LYNX1: variants seen among roughly 807,000 people sequenced by gnomAD.
LYNX1 encodes Ly6/neurotoxin 1, also known as ly-6/neurotoxin-like protein 1.
A neutral mutation model predicts 8.3 loss-of-function variants in LYNX1; 8 were observed. The ratio of observed to expected loss-of-function variants is 0.97; its 90% CI spans 0.57 to 1.74. LYNX1 has a LOEUF of 1.74. LYNX1 is among the 40% of genes most tolerant of loss of function. The pLI, the probability that LYNX1 is intolerant of heterozygous loss-of-function variation, is 0.00. For synonymous variants in LYNX1, 73 were observed against 67.9 expected, an observed-to-expected ratio of 1.08 and a Z score of -0.37; for missense variants, 158 against 159.7, an observed-to-expected ratio of 0.99 and a Z score of 0.06.
rs143118845 is a variant in LYNX1 at position 142,773,871 on chromosome 8, G to C, written c.*1296C>G. 6.0e-5 allele frequency: 59 copies of C among 985,430 alleles called. 2 individuals are homozygous for C. The East Asian group carries it at 6.5e-3, about 108-fold the overall frequency. The allele number at this position is 985,430 out of a possible 1,614,324, so 61.0% of individuals were successfully genotyped here. On this transcript the variant is annotated 3_prime_UTR_variant, in exon 4 of 4. Coordinates refer to ENST00000652477, the MANE Select transcript of LYNX1 (RefSeq NM_177477.4). ...GAGCACTGGTCAGGTGGGGGCCTCAGGTGCAGCGTGACCGCTGGCACCAAA... is the reference window on the plus strand; with the variant it reads ...GAGCACTGGTCAGGTGGGGGCCTCACGTGCAGCGTGACCGCTGGCACCAAA...
At position 142,774,882 on chromosome 8, in the gene LYNX1, T is replaced by C. The variant is rs1815335842; in HGVS notation, c.*285A>G. 1.5e-6 allele frequency: 2 copies of C among 1,335,026 alleles called. No individual in the cohort carries two copies. Among genetic ancestry groups the C allele is most frequent in the Non-Finnish European group, 1.9e-6 (2 of 1,041,726 alleles). 82.7% of individuals were successfully genotyped at this position (1,335,026 alleles called of 1,614,324 possible). ...TCCCATCTGCTCAGTGCTCCCTGCCTGACTGGGCCCCTCCCCATAAATAGC... is the reference window on the plus strand; with the variant it reads ...TCCCATCTGCTCAGTGCTCCCTGCCCGACTGGGCCCCTCCCCATAAATAGC... On this transcript the variant is annotated 3_prime_UTR_variant, in exon 4 of 4. Transcript: ENST00000652477.
rs1043797536 is a variant in LYNX1 at position 142,772,470 on chromosome 8, G to A, written c.*2697C>T. 2.5e-5 allele frequency: 25 copies of A among 985,378 alleles called. No homozygotes were observed. Among genetic ancestry groups the A allele is most frequent in the Non-Finnish European group, 3.0e-5 (25 of 829,962 alleles). 61.0% of individuals were successfully genotyped at this position (985,378 alleles called of 1,614,324 possible). A position where few individuals can be genotyped will look rare whatever the true frequency, so the allele number is the denominator to read the frequency against. On this transcript the variant is annotated 3_prime_UTR_variant, in exon 4 of 4. Transcript: ENST00000652477. ...CCCTTCCCAGGCTTGGGGGTCCAAGGAACCCCAGCTGGTGGGAGAAGCGGC... is the reference window on the plus strand; with the variant it reads ...CCCTTCCCAGGCTTGGGGGTCCAAGAAACCCCAGCTGGTGGGAGAAGCGGC...
Position 142,773,885 on chromosome 8 carries a change from G to A in LYNX1, c.*1282C>T, listed in dbSNP as rs992599576. On this transcript the variant is annotated 3_prime_UTR_variant, in exon 4 of 4. Transcript: ENST00000652477. ...TGGGGGCCTCAGGTGCAGCGTGACC[G>A]CTGGCACCAAAAGGTCTCACGCCCC... 6 of 985,426 alleles carry A rather than the reference G, an allele frequency of 6.1e-6. No homozygotes were observed. The highest frequency in any genetic ancestry group is 1.7e-5 in the African/African-American group (1 of 57,348). 61.0% of individuals were successfully genotyped at this position (985,426 alleles called of 1,614,324 possible).
rs1194526999 is a variant in LYNX1 at position 142,775,969 on chromosome 8, G to A, written c.-12C>T. The A allele has an allele frequency of 6.2e-7, 1 of 1,613,770 alleles. No homozygotes were observed. The highest frequency in any genetic ancestry group is 1.3e-5 in the African/African-American group (1 of 74,940). On this transcript the variant is annotated 5_prime_UTR_variant, in exon 2 of 4. Coordinates refer to ENST00000652477, the MANE Select transcript of LYNX1 (RefSeq NM_177477.4). Reference sequence around the variant, plus strand: ...AGCAGGGGCGTCATGGCTGCAGGCAGGAGGGCAGCGTGGGAGTGGGGAGGT... The same window carrying A: ...AGCAGGGGCGTCATGGCTGCAGGCAAGAGGGCAGCGTGGGAGTGGGGAGGT...
rs1587612491 is a variant in LYNX1, at chr8:142,773,297, C to T, written c.*1870G>A. 5.1e-6 allele frequency: 5 copies of T among 985,428 alleles called. No individual in the cohort carries two copies. The highest frequency in any genetic ancestry group is 6.0e-6 in the Non-Finnish European group (5 of 829,968). 61.0% of individuals were successfully genotyped at this position (985,428 alleles called of 1,614,324 possible). A position where few individuals can be genotyped will look rare whatever the true frequency, so the allele number is the denominator to read the frequency against. ...GCTCTGGGAGGCACCTGGCAGCCTC[C>T]CAGACACCCCGGGCCGGTCCTGCTC... On this transcript the variant is annotated 3_prime_UTR_variant, in exon 4 of 4. Transcript: ENST00000652477.
chr8:142,774,149 T>TGCCCCCCCC lies in LYNX1; in HGVS notation c.*1017_*1018insGGGGGGGGC. On this transcript the variant is annotated 3_prime_UTR_variant, in exon 4 of 4. Transcript: ENST00000652477. ...CGGGGGAGGGGCTGGGTCTCCGCCCTCCCCACCCCACCCTCCCCACTCCCG... is the reference window on the plus strand; with the variant it reads ...CGGGGGAGGGGCTGGGTCTCCGCCCTGCCCCCCCCCCCCACCCCACCCTCCCCACTCCCG... 2.8e-6 allele frequency: 2 copies of TGCCCCCCCC among 725,212 alleles called. No individual in the cohort carries two copies. The highest frequency in any genetic ancestry group is 3.3e-6 in the Non-Finnish European group (2 of 608,418). The allele number at this position is 725,212 out of a possible 1,614,324, so 44.9% of individuals were successfully genotyped here.
Position 142,773,018 on chromosome 8 carries a change from A to G in LYNX1, c.*2149T>C. ...CCATGGGTGGCCAGGTCTCCTCCCC[A>G]TCACCCCACTGAGACTCGAGACAGG... On this transcript the variant is annotated 3_prime_UTR_variant, in exon 4 of 4. Coordinates refer to ENST00000652477, the MANE Select transcript of LYNX1 (RefSeq NM_177477.4). The G allele has an allele frequency of 1.0e-6, 1 of 985,376 alleles. No homozygotes were observed. The highest frequency in any genetic ancestry group is 1.1e-4 in the East Asian group (1 of 8,804). 61.0% of individuals were successfully genotyped at this position (985,376 alleles called of 1,614,324 possible).
At position 142,771,529 on chromosome 8, in the gene LYNX1, T is replaced by G; in HGVS notation, c.*3638A>C. Reference sequence around the variant, plus strand: ...AGGTGGCTCTGTCCACCCTTCTGTCTGGGAGGCTCCTTAAGGCTGGGGAGG... The same window carrying G: ...AGGTGGCTCTGTCCACCCTTCTGTCGGGGAGGCTCCTTAAGGCTGGGGAGG... On this transcript the variant is annotated 3_prime_UTR_variant, in exon 4 of 4. Coordinates refer to ENST00000652477, the MANE Select transcript of LYNX1 (RefSeq NM_177477.4). The G allele has an allele frequency of 1.0e-6, 1 of 985,316 alleles. No individual in the cohort carries two copies. Among genetic ancestry groups the G allele is most frequent in the South Asian group, 4.7e-5 (1 of 21,268 alleles). 61.0% of individuals were successfully genotyped at this position (985,316 alleles called of 1,614,324 possible). A position where few individuals can be genotyped will look rare whatever the true frequency, so the allele number is the denominator to read the frequency against.
chr8:142,775,234 C>G lies in LYNX1; in HGVS notation c.284G>C (p.Gly95Ala). The change falls in exon 4 of 4, where the codon GGC becomes GCC. Residue 95 changes from glycine (G) to alanine (A), a missense_variant. Coordinates refer to ENST00000652477, the MANE Select transcript of LYNX1 (RefSeq NM_177477.4). ...GGCCAGGGTGGCCGGGGTGGCAAGG[C>G]CGGTGCCGTTGCAGAGGTCGTACTG... ...CCQYDLCNGT[G>A]LATPATLALA... 1 of 1,613,612 alleles carries G rather than the reference C, an allele frequency of 6.2e-7. No homozygotes were observed. Among genetic ancestry groups the G allele is most frequent in the Non-Finnish European group, 8.5e-7 (1 of 1,179,862 alleles).
chr8:142,775,746 G>A (rs979366080), intron 2 of LYNX1, 52 bp from the exon 3 acceptor site: 4 of 1,538,652 alleles, frequency 2.6e-6, no homozygotes, highest in East Asian at 4.8e-5. Context: ...AACATGAGAG[G>A]CCCCTCCTCC....
intron 2 of LYNX1, 25 bp downstream of exon 2, chr8:142,775,881 T>C (rs2130118236): frequency 6.2e-7 from 1 of 1,614,004 alleles, no homozygotes; most frequent in Middle Eastern, 1.6e-4. Context: ...GGTCTGCCCA[T>C]CCCTCTGTCC....
rs374446309 is a variant in LYNX1, at chr8:142,775,394, C to T, written c.155-31G>A. On this transcript the variant is annotated intron_variant, in intron 3 of 3. Coordinates refer to ENST00000652477, the MANE Select transcript of LYNX1 (RefSeq NM_177477.4). ...GAGGGGCGGGGCGGTGAGCCAGCTC[C>T]GCTAAGAGGGGCAGGAGACCCAGCT... is the stretch of plus-strand genomic sequence containing the variant. 3.5e-5 allele frequency: 56 copies of T among 1,607,364 alleles called. No homozygotes were observed. In the East Asian group the frequency reaches 5.8e-4, roughly 17 times the overall value.
At position 142,772,384 on chromosome 8, in the gene LYNX1, T is replaced by C. The variant is rs1242847417; in HGVS notation, c.*2783A>G. On this transcript the variant is annotated 3_prime_UTR_variant, in exon 4 of 4. Transcript: ENST00000652477. ...GAGGCCTTACTCTACCACTCAGGGC[T>C]TCTCAAACCTCTGGTTCCACTTTTC... The C allele has an allele frequency of 3.0e-6, 3 of 985,402 alleles. No individual in the cohort carries two copies. In the Admixed American group the frequency reaches 1.8e-4, roughly 61 times the overall value. The allele number at this position is 985,402 out of a possible 1,614,324, so 61.0% of individuals were successfully genotyped here.
chr8:142,775,514 AC>A, intron 3 of LYNX1, 78 bp downstream of exon 3: 1 of 1,551,806 alleles, frequency 6.4e-7, no homozygotes. Context: ...CTTCCTCAGG[AC>A]CCCCGCATGC....
At chr8:142,775,756 C>T (rs1815396213) in intron 2 of LYNX1, 62 bp from the exon 3 acceptor site, 1 of 1,536,040 alleles carries the variant, frequency 6.5e-7, no homozygotes, top group African/African-American at 1.4e-5. Context: ...GCCCCTCCTC[C>T]AGCCCATCAG....
In LYNX1 at chr8:142,773,005, A is replaced by G; in HGVS notation, c.*2162T>C. On this transcript the variant is annotated 3_prime_UTR_variant, in exon 4 of 4. Transcript: ENST00000652477. ...AGCTGCCCCTGAGCCATGGGTGGCCAGGTCTCCTCCCCATCACCCCACTGA... is the reference window on the plus strand; with the variant it reads ...AGCTGCCCCTGAGCCATGGGTGGCCGGGTCTCCTCCCCATCACCCCACTGA... The G allele has an allele frequency of 1.0e-6, 1 of 985,548 alleles. No homozygotes were observed. The highest frequency in any genetic ancestry group is 1.2e-6 in the Non-Finnish European group (1 of 830,024). 61.1% of individuals were successfully genotyped at this position (985,548 alleles called of 1,614,324 possible).
Position 142,772,832 on chromosome 8 carries a change from AGGCCAGCCAGGCAGAACCATGTGT to A in LYNX1, c.*2311_*2334del. 1 of 985,842 alleles carries A rather than the reference AGGCCAGCCAGGCAGAACCATGTGT, an allele frequency of 1.0e-6. No individual in the cohort carries two copies. Among genetic ancestry groups the A allele is most frequent in the Non-Finnish European group, 1.2e-6 (1 of 830,218 alleles). 61.1% of individuals were successfully genotyped at this position (985,842 alleles called of 1,614,324 possible). A position where few individuals can be genotyped will look rare whatever the true frequency, so the allele number is the denominator to read the frequency against. ...GTGCTCTACGCCAGGTGCCAAGGGCAGGCCAGCCAGGCAGAACCATGTGTGGGGCTGGGACAGGTCAGGGTGGTG... is the reference window on the plus strand; with the variant it reads ...GTGCTCTACGCCAGGTGCCAAGGGCAGGGGCTGGGACAGGTCAGGGTGGTG... On this transcript the variant is annotated 3_prime_UTR_variant, in exon 4 of 4. Coordinates refer to ENST00000652477, the MANE Select transcript of LYNX1 (RefSeq NM_177477.4).
At chr8:142,776,190 G>A in intron 1 of LYNX1, 69 bp from the exon 2 acceptor site, 1 of 574,158 alleles carries the variant, frequency 1.7e-6, no homozygotes, top group East Asian at 3.0e-5. Context: ...CCTGGGCAGG[G>A]ATGATGGTGG....
At position 142,775,585 on chromosome 8, in the gene LYNX1, A is replaced by C; in HGVS notation, c.154+8T>G. The C allele has an allele frequency of 6.3e-7, 1 of 1,582,914 alleles. No individual in the cohort carries two copies. The highest frequency in any genetic ancestry group is 8.6e-7 in the Non-Finnish European group (1 of 1,164,660). On this transcript the variant is annotated splice_region_variant and intron_variant, in intron 3 of 3. Transcript: ENST00000652477. Reference sequence around the variant, plus strand: ...CCAGGCAGGGCCACGCAGGGCCCCCAGACTCACAGGTGCGCGTGGTCATGC... The same window carrying C: ...CCAGGCAGGGCCACGCAGGGCCCCCCGACTCACAGGTGCGCGTGGTCATGC...
Sources: allele counts gnomAD v4.1 joint callset, GRCh38; gene constraint gnomAD v4.1.1; transcripts MANE v1.5; gene names NCBI Gene and HGNC (gene_info 2026-07-23, HGNC 2026-07-21).